The following E2F7 variants were observed in gnomAD, a reference collection of about 807,000 sequenced individuals.
E2F7 encodes E2F transcription factor 7.
A neutral mutation model predicts 81.1 loss-of-function variants in E2F7; 35 were observed. The ratio of observed to expected loss-of-function variants is 0.43; its 90% CI spans 0.33 to 0.57. The LOEUF (loss-of-function observed/expected upper bound fraction) is 0.57. Ranked by LOEUF, E2F7 falls within the 20% of genes least tolerant of loss-of-function variation. The probability of loss-of-function intolerance (pLI) is 0.04; values close to 1 mark genes in which losing one functional copy is unlikely to be tolerated. For missense variants in E2F7, 961 were observed against 1,093.7 expected (o/e 0.88, Z 1.71); for synonymous variants, 416 against 416.2 (o/e 1.00, Z 0.01).
rs1565889273 is a variant in E2F7, at chr12:77,021,383, A to G, written c.*2632T>C. 6.5e-6 allele frequency: 1 copy of G among 152,686 alleles called. No homozygotes were observed. The highest frequency in any genetic ancestry group is 2.4e-5 in the African/African-American group (1 of 41,474). The allele number at this position is 152,686 out of a possible 1,614,324, so 9.5% of individuals were successfully genotyped here. ...GTAAATAGCTATAGATAATATAGCCATTAGGAAAAAGAGCAGAGCTAAATA... is the reference window on the plus strand; with the variant it reads ...GTAAATAGCTATAGATAATATAGCCGTTAGGAAAAAGAGCAGAGCTAAATA... On this transcript the variant is annotated 3_prime_UTR_variant, in exon 13 of 13. Transcript: ENST00000322886.
intron 3 of E2F7, among the ~76,000 whole-genome samples, chr12:77,055,451 A>G (rs1395127873): frequency 6.6e-6 from 1 of 152,072 alleles, no homozygotes; most frequent in Non-Finnish European, 1.5e-5. Flanking sequence ...TAACTTCAAT[A>G]AAGCCCCAAA....
At chr12:77,028,435 G>A (rs377221214) in intron 10 of E2F7, among the ~76,000 whole-genome samples, 1 of 151,250 alleles carries the variant, frequency 6.6e-6, no homozygotes, top group East Asian at 2.0e-4. Flanking sequence ...CAGGTGATCC[G>A]CCCGTCTCAG....
At chr12:77,035,757 C>T (rs993059585) in intron 7 of E2F7, among the ~76,000 whole-genome samples, 7 of 152,068 alleles carry the variant, frequency 4.6e-5, no homozygotes, top group Non-Finnish European at 8.8e-5. Flanking sequence ...CCAGAAGTGA[C>T]GCAGATGATA....
chr12:77,029,305 C>A (rs900421540), intron 10 of E2F7, among the ~76,000 whole-genome samples: 7 of 152,208 alleles, frequency 4.6e-5, no homozygotes, highest in Admixed American at 4.6e-4. Flanking sequence ...ATCTCATTAA[C>A]CTCTGAATGG....
At chr12:77,039,281 A>G (rs187140084) in intron 7 of E2F7, among the ~76,000 whole-genome samples, 30 of 152,352 alleles carry the variant, frequency 2.0e-4, no homozygotes, top group Admixed American at 2.0e-3. Context: ...ATGTCCCACT[A>G]AAGAAAAAAT....
At chr12:77,059,340 C>T (rs1955059844) in intron 2 of E2F7, among the ~76,000 whole-genome samples, 1 of 152,166 alleles carries the variant, frequency 6.6e-6, no homozygotes, top group Non-Finnish European at 1.5e-5. Context: ...ACAGCATATA[C>T]GGCTGTGGAA....
chr12:77,057,812 T>C (rs1955044985), intron 2 of E2F7, among the ~76,000 whole-genome samples: 1 of 152,212 alleles, frequency 6.6e-6, no homozygotes, highest in Non-Finnish European at 1.5e-5. Context: ...GTAGTATTCC[T>C]TTCCAGTCAA....
At position 77,044,786 on chromosome 12, in the gene E2F7, T is replaced by C. The variant is rs1034432581; in HGVS notation, c.839A>G (p.Asn280Ser). The C allele has an allele frequency of 6.2e-7, 1 of 1,613,626 alleles. No homozygotes were observed. Among genetic ancestry groups the C allele is most frequent in the Admixed American group, 1.7e-5 (1 of 59,942 alleles). Reference protein sequence around the residue: ...SEPDCPSSSANSRKDKSLRIM... With the variant: ...SEPDCPSSSASSRKDKSLRIM... ...TCTCAGAGACTTGTCTTTTCTACTG[T>C]TTGCAGATGCTACACAAGGAATGAA... The change falls in exon 6 of 13, where the codon AAC becomes AGC. Residue 280 changes from asparagine (N) to serine (S), a missense_variant. Coordinates refer to ENST00000322886, the MANE Select transcript of E2F7 (RefSeq NM_203394.3).
At position 77,027,896 on chromosome 12, in the gene E2F7, C is replaced by CA; in HGVS notation, c.2126dup (p.Gln710AlafsTer94). 1 of 1,614,132 alleles carries CA rather than the reference C, an allele frequency of 6.2e-7. No homozygotes were observed. Among genetic ancestry groups the CA allele is most frequent in the Non-Finnish European group, 8.5e-7 (1 of 1,180,038 alleles). The stretch of plus-strand genomic sequence containing the variant: ...GACATCCCTTACCTGCAGGAGACTG[C>CA]ACACAAAGATATTGTAGCAAAGAAG... On this transcript the variant is annotated frameshift_variant, in exon 11 of 13. Transcript: ENST00000322886. LOFTEE classifies it high-confidence loss of function.
Position 77,056,139 on chromosome 12 carries a change from A to T in E2F7, c.94-9T>A. 1.3e-6 allele frequency: 2 copies of T among 1,582,120 alleles called. No individual in the cohort carries two copies. The highest frequency in any genetic ancestry group is 8.6e-7 in the Non-Finnish European group (1 of 1,169,502). On this transcript the variant is annotated splice_polypyrimidine_tract_variant and intron_variant, in intron 2 of 12. Transcript: ENST00000322886. ...TCAACAAATATATTTTCCTATTTTAAAAAAGAAACTTTTAGCAAGAATGAG... is the reference window on the plus strand; with the variant it reads ...TCAACAAATATATTTTCCTATTTTATAAAAGAAACTTTTAGCAAGAATGAG...
Position 77,043,539 on chromosome 12 carries a change from C to T in E2F7, c.989-340G>A, listed in dbSNP as rs377149093. ...TAGTAAATGTAATTCTGACATGGCACGTCAAAAGCATGCCCTGAGTTTCTC... is the reference window on the plus strand; with the variant it reads ...TAGTAAATGTAATTCTGACATGGCATGTCAAAAGCATGCCCTGAGTTTCTC... On this transcript the variant is annotated intron_variant, in intron 6 of 12. Transcript: ENST00000322886. Among the ~76,000 whole-genome samples the T allele has an allele frequency of 3.4e-4, 51 of 152,086 alleles. 2 individuals are homozygous for T. In the South Asian group the frequency reaches 3.5e-3, roughly 11 times the overall value.
chr12:77,025,530 A>C, intron 12 of E2F7, 28 bp downstream of exon 12: 1 of 1,608,498 alleles, frequency 6.2e-7, no homozygotes, highest in Non-Finnish European at 8.5e-7. Flanking sequence ...CCAGAGTGAC[A>C]GTGTCTTCAG....
At position 77,030,166 on chromosome 12, in the gene E2F7, C is replaced by T. The variant is rs761779689; in HGVS notation, c.1549G>A (p.Gly517Ser). 1.2e-5 allele frequency: 19 copies of T among 1,614,008 alleles called. No individual in the cohort carries two copies. The highest frequency in any genetic ancestry group is 5.0e-5 in the Admixed American group (3 of 60,004). The change falls in exon 10 of 13, where the codon GGT becomes AGT. Residue 517 changes from glycine (G) to serine (S), a missense_variant. Transcript: ENST00000322886. ...GAGACATCCACTTGTCCATTCAGAC[C>T]GTTCTGCATGGAGAATGCCTGCAGG... The part of the protein sequence containing the change: ...TDLQAFSMQN[G>S]LNGQVDVSLA...
intron 2 of E2F7, among the ~76,000 whole-genome samples, chr12:77,057,921 G>T (rs1955047109): frequency 6.6e-6 from 1 of 152,116 alleles, no homozygotes; most frequent in African/African-American, 2.4e-5. Flanking sequence ...GTTGAGCAGG[G>T]GGTTACAGTA....
chr12:77,054,405 A>G (rs1036089105), intron 3 of E2F7, among the ~76,000 whole-genome samples: 1 of 152,154 alleles, frequency 6.6e-6, no homozygotes, highest in Non-Finnish European at 1.5e-5. Flanking sequence ...AAAAAAAAAT[A>G]CAATTTGCAA....
intron 2 of E2F7, among the ~76,000 whole-genome samples, chr12:77,061,650 A>T (rs774783398): frequency 6.6e-6 from 1 of 152,238 alleles, no homozygotes; most frequent in East Asian, 1.9e-4. Context: ...AAGAAGATGC[A>T]TACATAATAC....
intron 8 of E2F7, among the ~76,000 whole-genome samples, chr12:77,033,622 A>C (rs1454285253): frequency 6.6e-6 from 1 of 152,274 alleles, no homozygotes; most frequent in Non-Finnish European, 1.5e-5. Context: ...ATTGGTCTAC[A>C]AGGTGACTAG....
rs906447599 is a variant in E2F7, at chr12:77,037,388, C to T, written c.1124-3346G>A. ...GGTGGATCACTTGAGCTCAGGAATT[C>T]GAGACCAGCCTGGGCAACATAGTGA... On this transcript the variant is annotated intron_variant, in intron 7 of 12. Transcript: ENST00000322886. 3.3e-5 allele frequency among the ~76,000 whole-genome samples: 5 copies of T among 152,168 alleles called. No individual in the cohort carries two copies. In the South Asian group the frequency reaches 6.2e-4, roughly 19 times the overall value.
chr12:77,050,561 T>A lies in E2F7; in HGVS notation c.538+15A>T, dbSNP rs758578836. On this transcript the variant is annotated intron_variant, in intron 4 of 12. Coordinates refer to ENST00000322886, the MANE Select transcript of E2F7 (RefSeq NM_203394.3). ...TAACTGGAGACAGACCTCCAGGTAA[T>A]CTGATGATACATACCAAGACTGACA... 6.2e-7 allele frequency: 1 copy of A among 1,611,410 alleles called. No individual in the cohort carries two copies. Among genetic ancestry groups the A allele is most frequent in the Non-Finnish European group, 8.5e-7 (1 of 1,178,146 alleles).
Sources: allele counts gnomAD v4.1 joint callset (sites outside exome capture counted in the v4.1 genomes callset), GRCh38; gene constraint gnomAD v4.1.1; transcripts MANE v1.5; gene names NCBI Gene and HGNC (gene_info 2026-07-23, HGNC 2026-07-21).